BMP1: variants seen among roughly 807,000 people sequenced by gnomAD.
The protein encoded by BMP1 is mammalian tolloid protein.
Under a neutral mutation model 116.8 loss-of-function variants are expected in BMP1, and 63 were observed. The observed-to-expected ratio is 0.54, with a 90% CI of 0.44 to 0.67. The LOEUF (loss-of-function observed/expected upper bound fraction) is 0.67, where lower values mean the gene tolerates loss of function less well. BMP1 is among the 30% of genes least tolerant of loss of function. The probability of loss-of-function intolerance (pLI) is 0.00; values close to 1 mark genes in which losing one functional copy is unlikely to be tolerated. For missense variants in BMP1, 1,183 were observed against 1,358.9 expected (o/e 0.87, Z 2.04); for synonymous variants, 536 against 533.4 (o/e 1.00, Z -0.07).
chr8:22,205,555 G>A (rs1386802941), intron 16 of BMP1, among the ~76,000 whole-genome samples: 3 of 151,936 alleles, frequency 2.0e-5, no homozygotes, highest in Non-Finnish European at 2.9e-5. Flanking sequence ...CAGGAGGATC[G>A]CTTGAATCCA....
intron 6 of BMP1, among the ~76,000 whole-genome samples, chr8:22,178,290 TTG>T (rs1828512848): frequency 6.6e-6 from 1 of 152,214 alleles, no homozygotes; most frequent in Admixed American, 6.5e-5. Flanking sequence ...GGCCATTTGT[TTG>T]TTTTTGTTTT....
At chr8:22,207,025 C>A in intron 17 of BMP1, 44 bp downstream of exon 17, 1 of 1,606,532 alleles carries the variant, frequency 6.2e-7, no homozygotes, top group Non-Finnish European at 8.5e-7. Context: ...TGGCTGCCCC[C>A]GGTCAGAGGC....
intron 16 of BMP1, among the ~76,000 whole-genome samples, chr8:22,205,350 G>A (rs1451218295): frequency 1.3e-5 from 2 of 152,230 alleles, no homozygotes; most frequent in Non-Finnish European, 2.9e-5. Flanking sequence ...GTGCTGTGCA[G>A]AGCCGGGGAT....
At chr8:22,181,448 C>T (rs529763071) in intron 8 of BMP1, among the ~76,000 whole-genome samples, 59 of 152,226 alleles carry the variant, frequency 3.9e-4, no homozygotes, top group Middle Eastern at 3.4e-3. Flanking sequence ...CGAGCCTGTC[C>T]GGTCAGGTTT....
chr8:22,201,706 G>C, intron 15 of BMP1, 97 bp from the exon 16 acceptor site: 2 of 1,556,816 alleles, frequency 1.3e-6, no homozygotes, highest in Non-Finnish European at 1.7e-6. Flanking sequence ...GCTCTGTCCC[G>C]GTGGGAGAAA....
At chr8:22,183,147 G>A (rs1433766888) in intron 8 of BMP1, among the ~76,000 whole-genome samples, 1 of 152,226 alleles carries the variant, frequency 6.6e-6, no homozygotes, top group Non-Finnish European at 1.5e-5. Context: ...GCCAGTATAT[G>A]GCCCATGCCT....
intron 18 of BMP1, among the ~76,000 whole-genome samples, chr8:22,208,358 G>A (rs1207376035): frequency 3.9e-5 from 6 of 152,242 alleles, no homozygotes; most frequent in Admixed American, 3.3e-4. Context: ...TAAGGGGCAC[G>A]TGGCCTGAAT....
chr8:22,203,259 C>T (rs771477296), intron 16 of BMP1, among the ~76,000 whole-genome samples: 3 of 151,898 alleles, frequency 2.0e-5, no homozygotes, highest in Admixed American at 6.6e-5. Flanking sequence ...ATCCATGAAA[C>T]GATAAAAAAT....
intron 18 of BMP1, 101 bp downstream of exon 18, chr8:22,207,617 C>A: frequency 2.2e-6 from 3 of 1,346,498 alleles, no homozygotes; most frequent in Non-Finnish European, 3.0e-6. Context: ...AGGGACTGAG[C>A]CCTGCGACCC....
At chr8:22,201,204 G>T in intron 15 of BMP1, 4 of 1,612,162 alleles carry the variant, frequency 2.5e-6, no homozygotes, top group Non-Finnish European at 2.5e-6. Flanking sequence ...CCCCCAGTGA[G>T]GCCTGCCAGG....
At chr8:22,165,704 AG>A in intron 1 of BMP1, 151 bp downstream of exon 1, 1 of 462,626 alleles carries the variant, frequency 2.2e-6, no homozygotes, top group Non-Finnish European at 3.4e-6. Flanking sequence ...GGGGAGAGGG[AG>A]GGGGATTTGG....
chr8:22,165,643 G>T, intron 1 of BMP1, 90 bp downstream of exon 1: 2 of 1,366,140 alleles, frequency 1.5e-6, no homozygotes, highest in Non-Finnish European at 1.9e-6. Context: ...GTCCAGTGTG[G>T]GAAGCCGGGA....
chr8:22,200,986 C>T, intron 15 of BMP1: 2 of 267,504 alleles, frequency 7.5e-6, no homozygotes, highest in Non-Finnish European at 1.5e-5. Flanking sequence ...TGTCCGCCTG[C>T]CCTCCCGCCC....
chr8:22,170,237 C>A (rs1354059546), intron 1 of BMP1: 1 of 152,450 alleles, frequency 6.6e-6, no homozygotes, highest in Non-Finnish European at 1.5e-5. Flanking sequence ...AGTTCTGTGG[C>A]CTCTGCACCA....
intron 1 of BMP1, among the ~76,000 whole-genome samples, chr8:22,168,576 G>T (rs762851178): frequency 6.6e-6 from 1 of 152,146 alleles, no homozygotes; most frequent in Non-Finnish European, 1.5e-5. Flanking sequence ...CTGCAGGAGC[G>T]GGAGGGGCAG....
chr8:22,197,461 G>A lies in BMP1; in HGVS notation c.2107+41G>A, dbSNP rs73225865. 0.052 allele frequency: 82,090 copies of A among 1,566,740 alleles called. 2,715 individuals are homozygous for A. Among genetic ancestry groups the A allele is most frequent in the Admixed American group, 0.096 (5,612 of 58,500 alleles). On this transcript the variant is annotated intron_variant, in intron 15 of 19. Transcript: ENST00000306385. ...CCAGCTCCTAGCCCCACCTCTCCTC[G>A]GAGAACAGGGCTCCCTTTCTCCCTG...
At chr8:22,205,167 G>T (rs987991553) in intron 16 of BMP1, among the ~76,000 whole-genome samples, 4 of 152,184 alleles carry the variant, frequency 2.6e-5, no homozygotes, top group Non-Finnish European at 4.4e-5. Flanking sequence ...CAGGAGGTAG[G>T]AGAGAGGTGG....
At chr8:22,197,860 C>A (rs1009768686) in intron 15 of BMP1, among the ~76,000 whole-genome samples, 1 of 152,138 alleles carries the variant, frequency 6.6e-6, no homozygotes, top group Non-Finnish European at 1.5e-5. Context: ...ACCCTGCACA[C>A]GCCAAATAGG....
At chr8:22,196,358 CTCCCTGAACTGCTT>C in intron 13 of BMP1, 1 of 587,788 alleles carries the variant, frequency 1.7e-6, no homozygotes, top group Non-Finnish European at 3.2e-6. Context: ...AGGACCGCCC[CTCCCTGAACTGCTT>C]TCCCTGAGCC....
Sources: gnomAD v4.1 joint callset for allele counts (sites outside exome capture counted in the v4.1 genomes callset) on GRCh38, gnomAD v4.1.1 for gene constraint, MANE v1.5 for transcripts, NCBI Gene and HGNC (gene_info 2026-07-23, HGNC 2026-07-21) for gene names.